The following PCDHA6 variants were observed in gnomAD, a reference collection of about 807,000 sequenced individuals.
PCDHA6 encodes the protein protocadherin alpha-6.
In PCDHA6, 55 loss-of-function variants were observed where a neutral mutation model predicts 60.3. The observed-to-expected ratio is 0.91, with a 90% CI of 0.73 to 1.14. PCDHA6 has a LOEUF of 1.14. Among genes scored for constraint, PCDHA6 ranks in the 50% most tolerant of loss-of-function variants. PCDHA6 has a pLI of 0.00. For synonymous variants in PCDHA6, 652 were observed against 557.9 expected, an observed-to-expected ratio of 1.17 and a Z score of -2.38; for missense variants, 1,327 against 1,256.5, an observed-to-expected ratio of 1.06 and a Z score of -0.85.
chr5:140,870,917 G>A, intron 1 of PCDHA6: 1 of 1,613,936 alleles, frequency 6.2e-7, no homozygotes, highest in Non-Finnish European at 8.5e-7. Flanking sequence ...TACAACGCGT[G>A]GCTTTCATAT....
Position 140,829,931 on chromosome 5 carries a change from C to T in PCDHA6, c.1840C>T (p.Pro614Ser). ...GTGGCTTTCGTATGAGCTGCAGCCCCCGGCAAGCAGCGCTCGCTTCCCGTT... is the reference window on the plus strand; with the variant it reads ...GTGGCTTTCGTATGAGCTGCAGCCCTCGGCAAGCAGCGCTCGCTTCCCGTT... ...NAWLSYELQP[P>S]ASSARFPFRV... Residue 614 changes from proline to serine, a missense_variant, in exon 1 of 4, where the codon CCG becomes TCG. Physicochemically the swap from Pro to Ser is moderately conservative, Grantham distance 74. Coordinates refer to ENST00000529310, the MANE Select transcript of PCDHA6 (RefSeq NM_018909.4). The T allele has an allele frequency of 1.2e-6, 2 of 1,614,016 alleles. No individual in the cohort carries two copies. Among genetic ancestry groups the T allele is most frequent in the Non-Finnish European group, 1.7e-6 (2 of 1,179,912 alleles).
At chr5:140,962,543 G>A (rs962454688) in intron 1 of PCDHA6, among the ~76,000 whole-genome samples, 1 of 152,176 alleles carries the variant, frequency 6.6e-6, no homozygotes, top group African/African-American at 2.4e-5. Flanking sequence ...AACTAAAAAT[G>A]TAGAGGATCT....
intron 1 of PCDHA6, chr5:140,869,243 G>T (rs1554162716): frequency 1.9e-6 from 3 of 1,613,544 alleles, no homozygotes; most frequent in Non-Finnish European, 2.5e-6. Context: ...TTCGTGGGCC[G>T]CATCGCGCAG....
intron 1 of PCDHA6, chr5:140,861,593 A>G: frequency 2.7e-6 from 1 of 371,316 alleles, no homozygotes; most frequent in South Asian, 2.5e-5. Context: ...TGGAGGTGAA[A>G]GTGAAGAACA....
At chr5:140,953,620 T>G (rs1207803220) in intron 1 of PCDHA6, among the ~76,000 whole-genome samples, 1 of 152,146 alleles carries the variant, frequency 6.6e-6, no homozygotes, top group Non-Finnish European at 1.5e-5. Context: ...CTTAGATATT[T>G]GCTTTATGTA....
intron 1 of PCDHA6, chr5:140,871,382 A>G (rs781900960): frequency 1.2e-6 from 2 of 1,614,188 alleles, no homozygotes; most frequent in South Asian, 2.2e-5. Flanking sequence ...GTGTGCTCTG[A>G]GGAGGGCCCA....
At chr5:140,947,209 A>C (rs1462777257) in intron 1 of PCDHA6, among the ~76,000 whole-genome samples, 2 of 151,580 alleles carry the variant, frequency 1.3e-5, no homozygotes, top group Non-Finnish European at 3.0e-5. Flanking sequence ...AAAAAAAGAA[A>C]ATCCTGTCAT....
Position 140,829,972 on chromosome 5 carries a change from C to T in PCDHA6, c.1881C>T (p.Tyr627=), listed in dbSNP as rs1344342673. The T allele has an allele frequency of 6.2e-7, 1 of 1,613,888 alleles. No homozygotes were observed. The highest frequency in any genetic ancestry group is 1.3e-5 in the African/African-American group (1 of 74,940). The change falls in exon 1 of 4, where the codon TAC becomes TAT. Residue 627 remains tyrosine (Y), a synonymous_variant. Transcript: ENST00000529310. ...SARFPFRVGL[Y]TGEISTTRVL... is the part of the protein sequence containing the mutation. Reference sequence around the variant, plus strand: ...GCTTCCCGTTTCGCGTGGGGCTGTACACGGGCGAGATCAGCACCACTCGTG... The same window carrying T: ...GCTTCCCGTTTCGCGTGGGGCTGTATACGGGCGAGATCAGCACCACTCGTG...
At chr5:140,926,946 A>C in intron 1 of PCDHA6, 1 of 1,590,228 alleles carries the variant, frequency 6.3e-7, no homozygotes, top group Non-Finnish European at 8.6e-7. Context: ...GCGGCGCTGC[A>C]GCGGGACAGC....
chr5:140,979,306 C>T (rs1554240481), intron 2 of PCDHA6, among the ~76,000 whole-genome samples: 1 of 152,206 alleles, frequency 6.6e-6, no homozygotes, highest in African/African-American at 2.4e-5. Context: ...CTTCATCCCT[C>T]TCTACCTATG....
At chr5:140,851,058 T>G in intron 1 of PCDHA6, 1 of 1,377,986 alleles carries the variant, frequency 7.3e-7, no homozygotes, top group African/African-American at 1.5e-5. Context: ...TTGTCTTGAC[T>G]TCTAGTGAGA....
chr5:140,968,608 T>A, intron 1 of PCDHA6: 1 of 1,614,242 alleles, frequency 6.2e-7, no homozygotes, highest in Non-Finnish European at 8.5e-7. Flanking sequence ...ACTCAGACTC[T>A]GGGCAAAATG....
chr5:140,886,552 G>A (rs188986859), intron 1 of PCDHA6, among the ~76,000 whole-genome samples: 132 of 151,712 alleles, frequency 8.7e-4, no homozygotes, highest in Middle Eastern at 3.4e-3. Flanking sequence ...TCCCAGCTGG[G>A]CACGGTGGCT....
intron 1 of PCDHA6, chr5:140,863,338 C>T (rs1297413635): frequency 1.3e-5 from 18 of 1,361,566 alleles, no homozygotes; most frequent in Non-Finnish European, 1.8e-5. Flanking sequence ...GCTCACGTTG[C>T]TGCTGTACAC....
chr5:140,830,188 C>T lies in PCDHA6; in HGVS notation c.2097C>T (p.Tyr699=). Residue 699 remains tyrosine (Y), a synonymous_variant, in exon 1 of 4, where the codon TAC becomes TAT. Coordinates refer to ENST00000529310, the MANE Select transcript of PCDHA6 (RefSeq NM_018909.4). ...PEAALVDVNV[Y]LIIAICAVSS... ...CGGCGCTGGTGGATGTCAACGTGTA[C>T]CTGATCATCGCCATCTGCGCGGTAT... 1 of 1,613,672 alleles carries T rather than the reference C, an allele frequency of 6.2e-7. No individual in the cohort carries two copies. Among genetic ancestry groups the T allele is most frequent in the South Asian group, 1.1e-5 (1 of 91,072 alleles).
At chr5:140,850,038 G>C (rs2150464728) in intron 1 of PCDHA6, 1 of 1,596,736 alleles carries the variant, frequency 6.3e-7, no homozygotes, top group East Asian at 2.2e-5. Flanking sequence ...CGCGGAGAGC[G>C]GCAAGGTGTA....
chr5:140,833,252 G>A (rs1554133803), intron 1 of PCDHA6, among the ~76,000 whole-genome samples: 2 of 152,156 alleles, frequency 1.3e-5, no homozygotes, highest in African/African-American at 4.8e-5. Flanking sequence ...AATACACCAG[G>A]AGAGCAGCAA....
intron 1 of PCDHA6, chr5:140,861,365 G>T (rs2046879866): frequency 2.8e-6 from 1 of 359,244 alleles, no homozygotes; most frequent in Non-Finnish European, 5.7e-6. Context: ...GCGTCTTCGC[G>T]GTCCCTATTG....
chr5:140,996,453 C>A (rs1289648745), intron 3 of PCDHA6, among the ~76,000 whole-genome samples: 2 of 152,160 alleles, frequency 1.3e-5, no homozygotes, highest in African/African-American at 4.8e-5. Flanking sequence ...AGTTGTGGTG[C>A]TAAGGGAGGA....
Sources: allele counts gnomAD v4.1 joint callset (sites outside exome capture counted in the v4.1 genomes callset), GRCh38; gene constraint gnomAD v4.1.1; transcripts MANE v1.5; gene names NCBI Gene and HGNC (gene_info 2026-07-23, HGNC 2026-07-21).